Variants in MCU observed in about 807,000 individuals in gnomAD.
The protein encoded by MCU is mitochondrial calcium uniporter.
Under a neutral mutation model 45.2 loss-of-function variants are expected in MCU, and 12 were observed. The ratio of observed to expected loss-of-function variants is 0.27; its 90% CI spans 0.17 to 0.43. The LOEUF (loss-of-function observed/expected upper bound fraction) is 0.43, where lower values mean the gene tolerates loss of function less well. MCU is among the 20% of genes least tolerant of loss of function. MCU has a pLI of 1.00. For synonymous variants in MCU, 160 were observed against 165.1 expected (o/e 0.97, Z 0.24); for missense variants, 324 against 436.7 (o/e 0.74, Z 2.30).
chr10:72,801,533 T>A (rs1459686923), intron 1 of MCU, among the ~76,000 whole-genome samples: 2 of 151,714 alleles, frequency 1.3e-5, no homozygotes, highest in Admixed American at 6.6e-5. Context: ...TTGAGAGGCT[T>A]GGACTGACTC....
chr10:72,765,083 T>G (rs1843705962), intron 1 of MCU, among the ~76,000 whole-genome samples: 1 of 142,736 alleles, frequency 7.0e-6, no homozygotes, highest in South Asian at 2.2e-4. Context: ...GAACCCCATC[T>G]CTTAAAAAAA....
At chr10:72,784,996 C>A (rs1425588606) in intron 1 of MCU, among the ~76,000 whole-genome samples, 1 of 152,178 alleles carries the variant, frequency 6.6e-6, no homozygotes, top group Admixed American at 6.6e-5. Context: ...CAAGGAGAAT[C>A]TTGCGTTGTC....
chr10:72,875,906 A>G (rs1845609787), intron 6 of MCU, among the ~76,000 whole-genome samples: 1 of 152,196 alleles, frequency 6.6e-6, no homozygotes, highest in Non-Finnish European at 1.5e-5. Context: ...AATGAAGGGG[A>G]TGATGTTGCC....
chr10:72,737,949 G>A (rs1156513528), intron 1 of MCU, among the ~76,000 whole-genome samples: 1 of 152,160 alleles, frequency 6.6e-6, no homozygotes, highest in Non-Finnish European at 1.5e-5. Flanking sequence ...GTTGGCATGG[G>A]AGCAGGGATG....
At chr10:72,744,419 A>C (rs897219327) in intron 1 of MCU, among the ~76,000 whole-genome samples, 4 of 152,184 alleles carry the variant, frequency 2.6e-5, no homozygotes, top group African/African-American at 4.8e-5. Flanking sequence ...TTTTTGGCTC[A>C]CTGGCCATAG....
At chr10:72,781,747 A>C (rs915210347) in intron 1 of MCU, among the ~76,000 whole-genome samples, 1 of 151,720 alleles carries the variant, frequency 6.6e-6, no homozygotes, top group Non-Finnish European at 1.5e-5. Context: ...ATAGGAACCT[A>C]CTTTTATGTT....
intron 1 of MCU, among the ~76,000 whole-genome samples, chr10:72,819,410 C>T (rs1049184054): frequency 6.6e-6 from 1 of 152,200 alleles, no homozygotes; most frequent in Admixed American, 6.5e-5. Flanking sequence ...TCTACCCCAA[C>T]ATGCTAAATA....
intron 1 of MCU, among the ~76,000 whole-genome samples, chr10:72,789,028 A>G (rs575562233): frequency 6.6e-6 from 1 of 152,124 alleles, no homozygotes; most frequent in Admixed American, 6.5e-5. Context: ...GACTATACTT[A>G]GAGTCCTGTA....
At chr10:72,839,311 G>A (rs569776284) in intron 2 of MCU, among the ~76,000 whole-genome samples, 9 of 152,078 alleles carry the variant, frequency 5.9e-5, no homozygotes, top group Non-Finnish European at 1.3e-4. Context: ...TCTTTGGACC[G>A]CTTGCTTGTT....
chr10:72,763,776 A>G (rs1212453502), intron 1 of MCU, among the ~76,000 whole-genome samples: 1 of 152,158 alleles, frequency 6.6e-6, no homozygotes, highest in African/African-American at 2.4e-5. Context: ...GGCTTTTACT[A>G]TATAGTTCAG....
chr10:72,856,936 CAAAAAAAAAAAA>C (rs71021541), intron 2 of MCU, among the ~76,000 whole-genome samples: 2 of 79,686 alleles, frequency 2.5e-5, no homozygotes, highest in Non-Finnish European at 4.9e-5. Flanking sequence ...CAAGATGTCT[CAAAAAAAAAAAA>C]AAAAAAAAAG....
intron 2 of MCU, among the ~76,000 whole-genome samples, chr10:72,844,912 C>T (rs1018721109): frequency 6.6e-6 from 1 of 151,940 alleles, no homozygotes; most frequent in Non-Finnish European, 1.5e-5. Context: ...TTTATAAACT[C>T]AATGCAATGC....
intron 1 of MCU, among the ~76,000 whole-genome samples, chr10:72,742,048 A>AAAAC (rs1843342611): frequency 3.3e-5 from 5 of 151,512 alleles, no homozygotes; most frequent in African/African-American, 1.2e-4. Flanking sequence ...AAAAAAAACA[A>AAAAC]AAACGACATT....
At chr10:72,840,544 T>C (rs772959023) in intron 2 of MCU, among the ~76,000 whole-genome samples, 1 of 152,222 alleles carries the variant, frequency 6.6e-6, no homozygotes, top group Non-Finnish European at 1.5e-5. Flanking sequence ...TGTGTCATTA[T>C]TGTATTGAGG....
chr10:72,808,274 T>C (rs1306294146), intron 1 of MCU, among the ~76,000 whole-genome samples: 3 of 152,200 alleles, frequency 2.0e-5, no homozygotes, highest in Non-Finnish European at 4.4e-5. Flanking sequence ...TTCAAGTAAA[T>C]GTTTGCCCTG....
At chr10:72,717,046 A>G (rs889434945) in intron 1 of MCU, among the ~76,000 whole-genome samples, 1 of 151,858 alleles carries the variant, frequency 6.6e-6, no homozygotes, top group Non-Finnish European at 1.5e-5. Flanking sequence ...TCCTTTTGCT[A>G]GGTCTCACAA....
intron 1 of MCU, among the ~76,000 whole-genome samples, chr10:72,693,494 T>C (rs955760281): frequency 6.6e-6 from 1 of 152,168 alleles, no homozygotes; most frequent in African/African-American, 2.4e-5. Context: ...ATCATAACTC[T>C]TAAGAGGAAA....
chr10:72,849,293 AAAT>A (rs1845171394), intron 2 of MCU, among the ~76,000 whole-genome samples: 4 of 151,434 alleles, frequency 2.6e-5, no homozygotes, highest in South Asian at 2.1e-4. Flanking sequence ...AAAAAAAAAA[AAAT>A]CGAATGAAAG....
At chr10:72,729,435 A>T (rs1185960698) in intron 1 of MCU, among the ~76,000 whole-genome samples, 1 of 152,194 alleles carries the variant, frequency 6.6e-6, no homozygotes, top group Non-Finnish European at 1.5e-5. Flanking sequence ...GCATCACTGC[A>T]CTCCAGCCTA....
Sources: gnomAD v4.1 joint callset for allele counts (sites outside exome capture counted in the v4.1 genomes callset) on GRCh38, gnomAD v4.1.1 for gene constraint, MANE v1.5 for transcripts, NCBI Gene and HGNC (gene_info 2026-07-23, HGNC 2026-07-21) for gene names.